Variants in NKAIN2 observed in about 807,000 individuals in gnomAD.
NKAIN2 encodes the protein sodium/potassium transporting ATPase interacting 2.
A neutral mutation model predicts 32.6 loss-of-function variants in NKAIN2; 14 were observed. That is an observed-to-expected ratio of 0.43 (90% CI 0.28 to 0.67). The LOEUF is 0.67. NKAIN2 is among the 30% of genes least tolerant of loss of function. NKAIN2 has a pLI of 0.17. For missense variants in NKAIN2, 198 were observed against 258.3 expected (o/e 0.77, Z 1.60); for synonymous variants, 80 against 87.2 (o/e 0.92, Z 0.46).
intron 4 of NKAIN2, among the ~76,000 whole-genome samples, chr6:124,770,826 C>A (rs1380048883): frequency 6.6e-6 from 1 of 152,012 alleles, no homozygotes; most frequent in East Asian, 1.9e-4. Flanking sequence ...ATCTGCTGCC[C>A]TCATGAGAGC....
intron 4 of NKAIN2, among the ~76,000 whole-genome samples, chr6:124,768,751 T>C (rs1778623018): frequency 1.3e-5 from 2 of 152,154 alleles, no homozygotes; most frequent in Admixed American, 1.3e-4. Flanking sequence ...ACAAAACTTT[T>C]GTTTGATTTT....
At chr6:124,733,627 T>TC (rs1776792586) in intron 4 of NKAIN2, among the ~76,000 whole-genome samples, 1 of 151,876 alleles carries the variant, frequency 6.6e-6, no homozygotes, top group African/African-American at 2.4e-5. Flanking sequence ...CCCAATTTTT[T>TC]CACTGTTTTA....
At chr6:124,098,197 C>A (rs1784724398) in intron 1 of NKAIN2, among the ~76,000 whole-genome samples, 1 of 152,148 alleles carries the variant, frequency 6.6e-6, no homozygotes, top group Non-Finnish European at 1.5e-5. Context: ...TATTTTCTGA[C>A]AATTAATATG....
chr6:124,341,340 A>T (rs1214226490), intron 2 of NKAIN2, among the ~76,000 whole-genome samples: 1 of 152,166 alleles, frequency 6.6e-6, no homozygotes. Context: ...AAAATCAGGT[A>T]ACAGAATATA....
intron 1 of NKAIN2, among the ~76,000 whole-genome samples, chr6:123,950,320 T>G (rs1777267675): frequency 1.3e-5 from 2 of 152,014 alleles, no homozygotes; most frequent in Admixed American, 1.3e-4. Context: ...CCTCTTCAAA[T>G]GACTTAGAGA....
At chr6:124,369,740 G>T (rs535442768) in intron 3 of NKAIN2, among the ~76,000 whole-genome samples, 1 of 152,006 alleles carries the variant, frequency 6.6e-6, no homozygotes, top group East Asian at 1.9e-4. Context: ...TGTGCTTTTG[G>T]TCTTTGATAA....
At chr6:124,582,100 A>G (rs952931346) in intron 3 of NKAIN2, among the ~76,000 whole-genome samples, 14 of 152,024 alleles carry the variant, frequency 9.2e-5, no homozygotes, top group African/African-American at 3.1e-4. Flanking sequence ...TTGCGACGAT[A>G]AACAAAATCA....
chr6:124,459,366 C>T (rs949013131), intron 3 of NKAIN2, among the ~76,000 whole-genome samples: 4 of 151,770 alleles, frequency 2.6e-5, no homozygotes, highest in Admixed American at 6.6e-5. Flanking sequence ...AGTACATTTA[C>T]ATTAAAATGT....
chr6:124,109,395 A>T (rs536636103), intron 1 of NKAIN2, among the ~76,000 whole-genome samples: 2 of 152,148 alleles, frequency 1.3e-5, no homozygotes, highest in African/African-American at 4.8e-5. Flanking sequence ...TTGATTTTGT[A>T]TCCTGCAACT....
chr6:124,434,720 T>C (rs1451350906), intron 3 of NKAIN2, among the ~76,000 whole-genome samples: 1 of 152,206 alleles, frequency 6.6e-6, no homozygotes, highest in Non-Finnish European at 1.5e-5. Context: ...ATGTTTCTTT[T>C]ATATGAGTAT....
chr6:124,169,411 A>T (rs939887646), intron 1 of NKAIN2, among the ~76,000 whole-genome samples: 1 of 152,208 alleles, frequency 6.6e-6, no homozygotes. Flanking sequence ...AAAAATGCCA[A>T]GCAGTGGGAT....
chr6:124,417,870 G>A (rs1774565243), intron 3 of NKAIN2, among the ~76,000 whole-genome samples: 1 of 152,064 alleles, frequency 6.6e-6, no homozygotes, highest in South Asian at 2.1e-4. Context: ...AAGACATCCT[G>A]GTGGACAATA....
At chr6:123,874,525 C>T (rs1773071927) in intron 1 of NKAIN2, among the ~76,000 whole-genome samples, 2 of 152,042 alleles carry the variant, frequency 1.3e-5, no homozygotes, top group African/African-American at 4.8e-5. Flanking sequence ...ATTAGAGTAG[C>T]TCTTAATAAA....
chr6:124,165,560 C>T (rs1252611343), intron 1 of NKAIN2, among the ~76,000 whole-genome samples: 1 of 151,674 alleles, frequency 6.6e-6, no homozygotes, highest in Non-Finnish European at 1.5e-5. Flanking sequence ...TACATGTGCA[C>T]AATGTGCAGG....
intron 4 of NKAIN2, among the ~76,000 whole-genome samples, chr6:124,729,591 C>T (rs964745462): frequency 2.0e-5 from 3 of 151,494 alleles, no homozygotes; most frequent in Non-Finnish European, 2.9e-5. Flanking sequence ...GACAAAACCA[C>T]AGCCAATATC....
At chr6:124,206,878 GAT>G (rs1281938176) in intron 1 of NKAIN2, among the ~76,000 whole-genome samples, 3 of 151,632 alleles carry the variant, frequency 2.0e-5, no homozygotes, top group African/African-American at 7.3e-5. Flanking sequence ...ATCTCTAGAT[GAT>G]ATAGTGATAA....
At chr6:124,216,193 G>A (rs114788030) in intron 1 of NKAIN2, among the ~76,000 whole-genome samples, 1,645 of 151,794 alleles carry the variant, frequency 0.011, 31 homozygotes, top group South Asian at 0.039. Flanking sequence ...GAGAATGGGA[G>A]TATTTAGAAA....
intron 3 of NKAIN2, among the ~76,000 whole-genome samples, chr6:124,430,237 C>A (rs1303349971): frequency 6.6e-6 from 1 of 152,230 alleles, no homozygotes; most frequent in East Asian, 1.9e-4. Flanking sequence ...GAAAATAGCT[C>A]AAGTTATTTT....
At chr6:124,725,548 G>A (rs1186901690) in intron 4 of NKAIN2, among the ~76,000 whole-genome samples, 2 of 152,166 alleles carry the variant, frequency 1.3e-5, no homozygotes, top group East Asian at 1.9e-4. Flanking sequence ...CATATGCCAA[G>A]TTGTTTGTCC....
Sources: gnomAD v4.1 joint callset for allele counts (sites outside exome capture counted in the v4.1 genomes callset) on GRCh38, gnomAD v4.1.1 for gene constraint, MANE v1.5 for transcripts, NCBI Gene and HGNC (gene_info 2026-07-23, HGNC 2026-07-21) for gene names.